The following ZSWIM6 variants were observed in gnomAD, a reference collection of about 807,000 sequenced individuals.
ZSWIM6 encodes zinc finger SWIM-type containing 6, also known as zinc finger SWIM domain-containing protein 6.
Under a neutral mutation model 113.2 loss-of-function variants are expected in ZSWIM6, and 9 were observed. The observed-to-expected ratio is 0.08, with a 90% CI of 0.05 to 0.14. The LOEUF (loss-of-function observed/expected upper bound fraction) is 0.14, where lower values mean the gene tolerates loss of function less well. Among genes scored for constraint, ZSWIM6 ranks in the 10% least tolerant of loss-of-function variants. ZSWIM6 has a pLI of 1.00. For missense variants in ZSWIM6, 1,162 were observed against 1,552.2 expected, an observed-to-expected ratio of 0.75 and a Z score of 4.22; for synonymous variants, 611 against 606.5, an observed-to-expected ratio of 1.01 and a Z score of -0.11.
chr5:61,444,860 T>C (rs1746916998), intron 1 of ZSWIM6, among the ~76,000 whole-genome samples: 1 of 152,216 alleles, frequency 6.6e-6, no homozygotes, highest in African/African-American at 2.4e-5. Flanking sequence ...TTTTGTGTAC[T>C]TCTCCCAGGT....
intron 4 of ZSWIM6, among the ~76,000 whole-genome samples, chr5:61,509,685 T>G (rs899071526): frequency 2.4e-4 from 37 of 152,082 alleles, no homozygotes; most frequent in Admixed American, 2.4e-3. Flanking sequence ...CAAAACACAT[T>G]TAAAAGTCGC....
chr5:61,526,487 C>CTTT, intron 7 of ZSWIM6, 91 bp downstream of exon 7: 1 of 1,408,862 alleles, frequency 7.1e-7, no homozygotes, highest in Non-Finnish European at 9.6e-7. Context: ...GCTTTTAGAA[C>CTTT]TAAAACCATA....
intron 1 of ZSWIM6, among the ~76,000 whole-genome samples, chr5:61,408,739 T>G (rs1746090976): frequency 6.6e-6 from 1 of 152,278 alleles, no homozygotes; most frequent in African/African-American, 2.4e-5. Context: ...GGAGTCTGGC[T>G]GCCAGCCAAA....
Position 61,332,435 on chromosome 5 carries a change from G to A in ZSWIM6, c.163G>A (p.Ala55Thr). The part of the protein sequence containing the change: ...GPRAGGAAAA[A>T]ACGGGAALGL... ...GCGGGCGGGTGGCGCGGCGGCGGCG[G>A]CGGCGTGCGGGGGCGGCGCGGCGCT... is the stretch of plus-strand genomic sequence containing the variant. Residue 55 changes from alanine to threonine, a missense_variant, in exon 1 of 14, where the codon GCG becomes ACG. Coordinates refer to ENST00000252744, the MANE Select transcript of ZSWIM6 (RefSeq NM_020928.2). 9.9e-7 allele frequency: 1 copy of A among 1,011,506 alleles called. No individual in the cohort carries two copies. The highest frequency in any genetic ancestry group is 4.5e-5 in the South Asian group (1 of 22,416). The allele number at this position is 1,011,506 out of a possible 1,614,324, so 62.7% of individuals were successfully genotyped here.
At chr5:61,479,090 G>T (rs2112195461) in intron 2 of ZSWIM6, among the ~76,000 whole-genome samples, 1 of 151,916 alleles carries the variant, frequency 6.6e-6, no homozygotes, top group Middle Eastern at 3.4e-3. Flanking sequence ...AGAATCACTT[G>T]AACTTGGGAG....
At chr5:61,364,897 T>A (rs1436227802) in intron 1 of ZSWIM6, among the ~76,000 whole-genome samples, 5 of 152,160 alleles carry the variant, frequency 3.3e-5, no homozygotes, top group African/African-American at 1.2e-4. Context: ...GACCATAGCA[T>A]TTAATGTATT....
intron 12 of ZSWIM6, among the ~76,000 whole-genome samples, chr5:61,541,518 C>T (rs1001567694): frequency 1.3e-5 from 2 of 152,134 alleles, no homozygotes; most frequent in African/African-American, 4.8e-5. Context: ...AGAAATTGAA[C>T]TATGGAATGT....
At chr5:61,352,747 A>G (rs1487441468) in intron 1 of ZSWIM6, among the ~76,000 whole-genome samples, 2 of 152,250 alleles carry the variant, frequency 1.3e-5, no homozygotes. Context: ...ATGTGGATTT[A>G]TATGACATAG....
At position 61,486,626 on chromosome 5, in the gene ZSWIM6, A is replaced by G. The variant is rs1043268125; in HGVS notation, c.1034-4160A>G. 5.3e-5 allele frequency among the ~76,000 whole-genome samples: 8 copies of G among 152,134 alleles called. No individual in the cohort carries two copies. In the East Asian group the frequency reaches 5.8e-4, roughly 11 times the overall value. On this transcript the variant is annotated intron_variant, in intron 2 of 13. Transcript: ENST00000252744. ...ATCTGTTATTTTTTGTCTTTTTAAT[A>G]ATAGCAATTCTGACTGGTATAAGAT...
chr5:61,492,143 A>G (rs1748198152), intron 3 of ZSWIM6, among the ~76,000 whole-genome samples: 1 of 152,096 alleles, frequency 6.6e-6, no homozygotes, highest in Non-Finnish European at 1.5e-5. Context: ...CTTAAGAGTA[A>G]AGTGTTTATT....
intron 11 of ZSWIM6, 106 bp downstream of exon 11, chr5:61,539,077 T>C: frequency 7.9e-7 from 1 of 1,261,036 alleles, no homozygotes; most frequent in East Asian, 2.7e-5. Context: ...TAATGTCAGA[T>C]AGGTTGAAGG....
intron 1 of ZSWIM6, among the ~76,000 whole-genome samples, chr5:61,469,355 T>G (rs1580011784): frequency 6.6e-6 from 1 of 152,236 alleles, no homozygotes; most frequent in African/African-American, 2.4e-5. Flanking sequence ...CTAGAATTAC[T>G]TGGAAAATGA....
intron 1 of ZSWIM6, among the ~76,000 whole-genome samples, chr5:61,421,603 C>T (rs1438653284): frequency 6.6e-6 from 1 of 152,142 alleles, no homozygotes; most frequent in Non-Finnish European, 1.5e-5. Context: ...ACCCAGTACC[C>T]AACAGTTATC....
At chr5:61,388,853 A>T (rs1745644305) in intron 1 of ZSWIM6, among the ~76,000 whole-genome samples, 1 of 152,232 alleles carries the variant, frequency 6.6e-6, no homozygotes, top group Non-Finnish European at 1.5e-5. Context: ...TGAAGTAGGA[A>T]CAATTATGAA....
intron 1 of ZSWIM6, among the ~76,000 whole-genome samples, chr5:61,409,093 T>TTTTG (rs1278349832): frequency 1.2e-4 from 15 of 129,174 alleles, no homozygotes; most frequent in Admixed American, 7.0e-4. Context: ...TTTTTTTTTT[T>TTTTG]TCCCGTTTTT....
intron 3 of ZSWIM6, among the ~76,000 whole-genome samples, chr5:61,491,810 A>G (rs1748185174): frequency 7.8e-6 from 1 of 128,746 alleles, no homozygotes; most frequent in Admixed American, 7.4e-5. Flanking sequence ...GTTATAATTA[A>G]AAGTTTTTTT....
At chr5:61,490,061 C>T (rs1442913403) in intron 2 of ZSWIM6, among the ~76,000 whole-genome samples, 2 of 151,820 alleles carry the variant, frequency 1.3e-5, no homozygotes, top group Admixed American at 1.3e-4. Context: ...CTTAAAATAC[C>T]ATTTTATTTT....
intron 1 of ZSWIM6, among the ~76,000 whole-genome samples, chr5:61,425,414 C>A (rs1242452250): frequency 6.6e-6 from 1 of 152,118 alleles, no homozygotes; most frequent in Non-Finnish European, 1.5e-5. Context: ...GTTTTTTGAA[C>A]CTGTGCCAGT....
chr5:61,460,956 T>C (rs1747311953), intron 1 of ZSWIM6, among the ~76,000 whole-genome samples: 2 of 152,194 alleles, frequency 1.3e-5, no homozygotes. Flanking sequence ...TTTATACAGC[T>C]GGAAATTTTG....
Sources: allele counts gnomAD v4.1 joint callset (sites outside exome capture counted in the v4.1 genomes callset), GRCh38; gene constraint gnomAD v4.1.1; transcripts MANE v1.5; gene names NCBI Gene and HGNC (gene_info 2026-07-23, HGNC 2026-07-21).